Variants in CACNA2D1 observed in about 807,000 individuals in gnomAD.
CACNA2D1 encodes voltage-dependent calcium channel subunit alpha-2/delta-1.
CACNA2D1 carries 53 observed loss-of-function variants against 171.5 expected under a neutral mutation model. That is an observed-to-expected ratio of 0.31 (90% CI 0.25 to 0.39). The LOEUF (loss-of-function observed/expected upper bound fraction) is 0.39, where lower values mean the gene tolerates loss of function less well. CACNA2D1 is among the 10% of genes least tolerant of loss of function. The probability of loss-of-function intolerance (pLI) is 1.00; values close to 1 mark genes in which losing one functional copy is unlikely to be tolerated. For missense variants in CACNA2D1, 903 were observed against 1,299.8 expected (o/e 0.69, Z 4.69); for synonymous variants, 442 against 443.1 (o/e 1.00, Z 0.03).
chr7:82,128,422 G>T (rs905444604), intron 5 of CACNA2D1, among the ~76,000 whole-genome samples: 3 of 152,146 alleles, frequency 2.0e-5, no homozygotes, highest in Non-Finnish European at 4.4e-5. Context: ...GAGGAACGTA[G>T]ATAACTATAA....
At chr7:82,388,075 A>C (rs1824626919) in intron 1 of CACNA2D1, among the ~76,000 whole-genome samples, 1 of 145,364 alleles carries the variant, frequency 6.9e-6, no homozygotes, top group African/African-American at 2.5e-5. Flanking sequence ...AAAAAAAAAA[A>C]AACAAAAACA....
intron 4 of CACNA2D1, among the ~76,000 whole-genome samples, chr7:82,144,574 GA>G (rs967423835): frequency 4.6e-5 from 7 of 151,884 alleles, no homozygotes; most frequent in Non-Finnish European, 8.8e-5. Context: ...AATTCTAGCA[GA>G]AGGTTAAAAA....
intron 3 of CACNA2D1, among the ~76,000 whole-genome samples, chr7:82,237,646 A>G (rs912639601): frequency 5.9e-5 from 9 of 152,048 alleles, no homozygotes; most frequent in Non-Finnish European, 1.5e-5. Context: ...CACATTAAGT[A>G]TAAGCATTTG....
At chr7:82,013,040 G>C (rs543727341) in intron 14 of CACNA2D1, among the ~76,000 whole-genome samples, 1 of 152,060 alleles carries the variant, frequency 6.6e-6, no homozygotes, top group African/African-American at 2.4e-5. Flanking sequence ...GGGGTTATTT[G>C]GGAGGTATTT....
At chr7:82,217,360 T>TAA (rs1801224158) in intron 3 of CACNA2D1, among the ~76,000 whole-genome samples, 1 of 109,478 alleles carries the variant, frequency 9.1e-6, no homozygotes, top group Non-Finnish European at 2.0e-5. Context: ...AAAAAAAAAA[T>TAA]ATATATATAC....
chr7:82,047,192 A>G (rs533517056), intron 10 of CACNA2D1, among the ~76,000 whole-genome samples: 2 of 152,280 alleles, frequency 1.3e-5, no homozygotes, highest in South Asian at 2.1e-4. Flanking sequence ...TTCTCCAGGT[A>G]CAATAACCTT....
At chr7:82,161,208 T>C (rs1794915659) in intron 4 of CACNA2D1, among the ~76,000 whole-genome samples, 2 of 152,034 alleles carry the variant, frequency 1.3e-5, no homozygotes, top group Admixed American at 1.3e-4. Flanking sequence ...ATGAGGATGT[T>C]CCTTTCCTTC....
intron 10 of CACNA2D1, among the ~76,000 whole-genome samples, chr7:82,056,025 A>AAAAAAAAAAAAAAAAAT (rs1805862001): frequency 6.9e-6 from 1 of 144,534 alleles, no homozygotes; most frequent in Non-Finnish European, 1.5e-5. Context: ...AAAAAAAAAA[A>AAAAAAAAAAAAAAAAAT]AAAAAAGGCC....
At chr7:82,434,226 T>C (rs1177147023) in intron 1 of CACNA2D1, among the ~76,000 whole-genome samples, 1 of 152,238 alleles carries the variant, frequency 6.6e-6, no homozygotes, top group Non-Finnish European at 1.5e-5. Flanking sequence ...TGATGGATCA[T>C]CCAGCTCCAC....
At chr7:82,052,025 T>C (rs1318069781) in intron 10 of CACNA2D1, among the ~76,000 whole-genome samples, 1 of 152,198 alleles carries the variant, frequency 6.6e-6, no homozygotes, top group African/African-American at 2.4e-5. Context: ...ATTACTGTTA[T>C]TTTTAAAAAG....
At chr7:81,967,346 A>C in intron 30 of CACNA2D1, 139 bp from the exon 31 acceptor site, 1 of 757,178 alleles carries the variant, frequency 1.3e-6, no homozygotes, top group Non-Finnish European at 2.2e-6. Context: ...TATAAGAAAC[A>C]AAAGTTTTAT....
chr7:82,224,343 T>C (rs967626205), intron 3 of CACNA2D1, among the ~76,000 whole-genome samples: 5 of 152,106 alleles, frequency 3.3e-5, no homozygotes, highest in Admixed American at 3.3e-4. Context: ...ATGCCAGCAC[T>C]TTGGGAGGCC....
chr7:82,040,653 G>T (rs564590542), intron 10 of CACNA2D1, among the ~76,000 whole-genome samples: 2 of 152,240 alleles, frequency 1.3e-5, no homozygotes, highest in Admixed American at 1.3e-4. Context: ...AAGACACTGT[G>T]TGGAGACAGG....
intron 1 of CACNA2D1, among the ~76,000 whole-genome samples, chr7:82,405,344 T>A (rs543142716): frequency 1.2e-4 from 18 of 152,246 alleles, no homozygotes; most frequent in Admixed American, 5.2e-4. Flanking sequence ...GGACATAAAA[T>A]TAAGGTTTAA....
In CACNA2D1 at chr7:81,982,640, T is replaced by C; in HGVS notation, c.1895-13A>G. The C allele has an allele frequency of 1.3e-6, 2 of 1,536,674 alleles. No individual in the cohort carries two copies. The highest frequency in any genetic ancestry group is 9.0e-7 in the Non-Finnish European group (1 of 1,110,018). On this transcript the variant is annotated splice_polypyrimidine_tract_variant and intron_variant, in intron 23 of 38. Transcript: ENST00000356860. ...AGGGTTTCCGAATCTGCAAAGATAA[T>C]GTTACAGGATTAGATAGGTAATTCA...
chr7:82,292,983 T>G lies in CACNA2D1; in HGVS notation c.294+42152A>C, dbSNP rs757960713. On this transcript the variant is annotated intron_variant, in intron 3 of 38. Transcript: ENST00000356860. ...AAAAATAATTTCTTCCCCTTGATTT[T>G]TTTTCTTTCTTTTCGGAAACCTTAT... 3.3e-5 allele frequency among the ~76,000 whole-genome samples: 5 copies of G among 152,070 alleles called. 1 individual carries two copies. The highest frequency in any genetic ancestry group is 6.3e-3 in the Middle Eastern group (2 of 316).
At chr7:82,388,079 A>C (rs1824628684) in intron 1 of CACNA2D1, among the ~76,000 whole-genome samples, 1 of 145,452 alleles carries the variant, frequency 6.9e-6, no homozygotes, top group African/African-American at 2.5e-5. Flanking sequence ...AAAAAAAAAC[A>C]AAAACAAAAA....
rs141844090 is a variant in CACNA2D1, at chr7:82,080,281, G to T, written c.658+4488C>A. On this transcript the variant is annotated intron_variant, in intron 7 of 38. Coordinates refer to ENST00000356860, the MANE Select transcript of CACNA2D1 (RefSeq NM_000722.4). ...TTTTAGCTTCTATTGTGAATCAGAA[G>T]GTTCTAGTTCCTGCAAAATATTTTA... Among the ~76,000 whole-genome samples the T allele has an allele frequency of 2.8e-3, 418 of 151,934 alleles. 2 individuals are homozygous for T. Among genetic ancestry groups the T allele is most frequent in the African/African-American group, 7.2e-3 (297 of 41,468 alleles).
intron 1 of CACNA2D1, among the ~76,000 whole-genome samples, chr7:82,359,116 G>T (rs1342295196): frequency 6.6e-6 from 1 of 152,036 alleles, no homozygotes; most frequent in African/African-American, 2.4e-5. Flanking sequence ...GCCAGCCGAG[G>T]TGTCCCACGT....
Sources: allele counts gnomAD v4.1 joint callset (sites outside exome capture counted in the v4.1 genomes callset), GRCh38; gene constraint gnomAD v4.1.1; transcripts MANE v1.5; gene names NCBI Gene and HGNC (gene_info 2026-07-23, HGNC 2026-07-21).